The following DEFB130A variants were observed in gnomAD, a reference collection of about 807,000 sequenced individuals.
DEFB130A encodes beta-defensin 130A.
chr8:12,311,806 T>C (rs557286246), intron 1 of DEFB130A, among the ~76,000 whole-genome samples: 1 of 114,302 alleles, frequency 8.7e-6, no homozygotes, highest in African/African-American at 3.1e-5. Context: ...CTCACAGAGC[T>C]AAAAGGTATT....
At chr8:12,316,961 C>A (rs1809558524) in intron 1 of DEFB130A, among the ~76,000 whole-genome samples, 1 of 87,006 alleles carries the variant, frequency 1.1e-5, no homozygotes, top group East Asian at 3.8e-4. Flanking sequence ...CAAAAGAAAA[C>A]AAATAATTCT....
rs1001711686 is a variant in DEFB130A at position 12,316,907 on chromosome 8, C to T, written c.58+1352G>A. On this transcript the variant is annotated intron_variant, in intron 1 of 1. Coordinates refer to ENST00000400079, the MANE Select transcript of DEFB130A (RefSeq NM_001037804.1). ...TGAAGATTTCTCAAAGAACTTAAAA[C>T]AGAGCTACCATTCCACCCAGCAATT... 1.1e-3 allele frequency among the ~76,000 whole-genome samples: 142 copies of T among 131,100 alleles called. 4 individuals carry two copies. The highest frequency in any genetic ancestry group is 4.4e-3 in the African/African-American group (142 of 32,168). 86.0% of individuals were successfully genotyped at this position (131,100 alleles called of 152,430 possible).
Position 12,311,594 on chromosome 8 carries a change from C to G in DEFB130A, c.59-451G>C, listed in dbSNP as rs1190201069. ...CCATCTGTGCATACATCATCCCTAT[C>G]AAATGGTTCATGTGCATATCTTCAT... On this transcript the variant is annotated intron_variant, in intron 1 of 1. Coordinates refer to ENST00000400079, the MANE Select transcript of DEFB130A (RefSeq NM_001037804.1). Among the ~76,000 whole-genome samples the G allele has an allele frequency of 4.5e-5, 2 of 44,932 alleles. 1 individual carries two copies. The highest frequency in any genetic ancestry group is 7.1e-5 in the Non-Finnish European group (2 of 28,030). The allele number at this position is 44,932 out of a possible 152,430, so 29.5% of individuals were successfully genotyped here.
intron 1 of DEFB130A, among the ~76,000 whole-genome samples, chr8:12,316,759 C>T (rs1238302816): frequency 6.9e-6 from 1 of 145,822 alleles, no homozygotes; most frequent in Non-Finnish European, 1.5e-5. Context: ...ATCAAAACCA[C>T]AATGAGAACT....
intron 1 of DEFB130A, among the ~76,000 whole-genome samples, chr8:12,316,626 AAAAT>A (rs1219154851): frequency 4.3e-5 from 2 of 47,008 alleles, no homozygotes; most frequent in African/African-American, 1.1e-4. Context: ...CAACAAGCAA[AAAAT>A]AAATAAAGTG....
intron 1 of DEFB130A, among the ~76,000 whole-genome samples, chr8:12,316,761 A>G (rs546145936): frequency 1.4e-4 from 21 of 146,814 alleles, no homozygotes; most frequent in South Asian, 6.6e-4. Flanking sequence ...CAAAACCACA[A>G]TGAGAACTAT....
rs536016177 is a variant in DEFB130A, at chr8:12,311,802, G to C, written c.59-659C>G. On this transcript the variant is annotated intron_variant, in intron 1 of 1. Coordinates refer to ENST00000400079, the MANE Select transcript of DEFB130A (RefSeq NM_001037804.1). ...AGACACCTGCAGAGAATTACTCACA[G>C]AGCTAAAAGGTATTTTCCCTTAAGT... Among the ~76,000 whole-genome samples, 80 of 113,844 alleles carry C rather than the reference G, an allele frequency of 7.0e-4. 13 individuals are homozygous for C. The highest frequency in any genetic ancestry group is 2.5e-3 in the African/African-American group (80 of 31,764). The allele number at this position is 113,844 out of a possible 152,430, so 74.7% of individuals were successfully genotyped here. A position where few individuals can be genotyped will look rare whatever the true frequency, so the allele number is the denominator to read the frequency against.
intron 1 of DEFB130A, among the ~76,000 whole-genome samples, chr8:12,317,339 G>A (rs927267771): frequency 2.5e-5 from 3 of 119,062 alleles, no homozygotes; most frequent in Non-Finnish European, 5.0e-5. Flanking sequence ...CATGAGTGAT[G>A]GGATTACCAT....
At chr8:12,311,842 T>A (rs1212127669) in intron 1 of DEFB130A, among the ~76,000 whole-genome samples, 3 of 106,396 alleles carry the variant, frequency 2.8e-5, no homozygotes, top group Admixed American at 2.4e-4. Context: ...CCACATGTTC[T>A]CTTAATTCAT....
chr8:12,316,773 T>A lies in DEFB130A; in HGVS notation c.58+1486A>T, dbSNP rs976120008. Among the ~76,000 whole-genome samples the A allele has an allele frequency of 4.7e-5, 7 of 147,496 alleles. 1 individual carries two copies. The highest frequency in any genetic ancestry group is 1.3e-4 in the Admixed American group (2 of 14,920). ...AATCAAAACCACAATGAGAACTATC[T>A]TACACCAGTGAGAATGGCTATTATT... On this transcript the variant is annotated intron_variant, in intron 1 of 1. Transcript: ENST00000400079.
chr8:12,316,763 G>A (rs1809549542), intron 1 of DEFB130A, among the ~76,000 whole-genome samples: 1 of 146,684 alleles, frequency 6.8e-6, no homozygotes, highest in African/African-American at 2.6e-5. Context: ...AAACCACAAT[G>A]AGAACTATCT....
intron 1 of DEFB130A, among the ~76,000 whole-genome samples, chr8:12,311,603 C>T (rs1218525405): frequency 2.2e-5 from 1 of 46,298 alleles, no homozygotes; most frequent in Non-Finnish European, 3.4e-5. Context: ...TCAAATGGTT[C>T]ATGTGCATAT....
chr8:12,316,878 A>T (rs1451157601), intron 1 of DEFB130A, among the ~76,000 whole-genome samples: 1 of 140,528 alleles, frequency 7.1e-6, no homozygotes, highest in Non-Finnish European at 1.6e-5. Flanking sequence ...GGAATGTAAC[A>T]GTCTGAAGAT....
Position 12,311,797 on chromosome 8 carries a change from T to C in DEFB130A, c.59-654A>G, listed in dbSNP as rs574668339. Among the ~76,000 whole-genome samples, 15 of 113,988 alleles carry C rather than the reference T, an allele frequency of 1.3e-4. No homozygotes were observed. In the South Asian group the frequency reaches 1.7e-3, roughly 13 times the overall value. 74.8% of individuals were successfully genotyped at this position (113,988 alleles called of 152,430 possible). A position where few individuals can be genotyped will look rare whatever the true frequency, so the allele number is the denominator to read the frequency against. On this transcript the variant is annotated intron_variant, in intron 1 of 1. Transcript: ENST00000400079. ...CAGACAGACACCTGCAGAGAATTAC[T>C]CACAGAGCTAAAAGGTATTTTCCCT...
chr8:12,316,692 A>T (rs1013903080), intron 1 of DEFB130A, among the ~76,000 whole-genome samples: 15 of 109,026 alleles, frequency 1.4e-4, no homozygotes, highest in African/African-American at 5.9e-4. Flanking sequence ...AAGATAATAG[A>T]AGCAGCCAGC....
rs546185271 is a variant in DEFB130A at position 12,311,818 on chromosome 8, T to G, written c.59-675A>C. Among the ~76,000 whole-genome samples the G allele has an allele frequency of 2.6e-5, 3 of 114,370 alleles. 1 individual carries two copies. Among genetic ancestry groups the G allele is most frequent in the African/African-American group, 9.2e-5 (3 of 32,636 alleles). 75.0% of individuals were successfully genotyped at this position (114,370 alleles called of 152,430 possible). ...TTACTCACAGAGCTAAAAGGTATTT[T>G]CCCTTAAGTGTATCCACATGTTCTC... On this transcript the variant is annotated intron_variant, in intron 1 of 1. Coordinates refer to ENST00000400079, the MANE Select transcript of DEFB130A (RefSeq NM_001037804.1).
In DEFB130A at chr8:12,316,850, G is replaced by A. The variant is rs1418717828; in HGVS notation, c.58+1409C>T. Among the ~76,000 whole-genome samples, 3 of 147,676 alleles carry A rather than the reference G, an allele frequency of 2.0e-5. 1 individual carries two copies. Among genetic ancestry groups the A allele is most frequent in the African/African-American group, 7.8e-5 (3 of 38,268 alleles). On this transcript the variant is annotated intron_variant, in intron 1 of 1. Coordinates refer to ENST00000400079, the MANE Select transcript of DEFB130A (RefSeq NM_001037804.1). ...AGATGAGGCTGTGGAGAAAAGGAGT[G>A]CTTATACACTGTTGGTGGGAATGTA...
intron 1 of DEFB130A, among the ~76,000 whole-genome samples, chr8:12,316,104 G>A (rs1332902980): frequency 2.0e-5 from 1 of 50,138 alleles, no homozygotes; most frequent in Non-Finnish European, 3.2e-5. Context: ...AAATGGCATG[G>A]GACTGGTACA....
At position 12,311,852 on chromosome 8, in the gene DEFB130A, T is replaced by C. The variant is rs1218721035; in HGVS notation, c.59-709A>G. Among the ~76,000 whole-genome samples the C allele has an allele frequency of 2.0e-5, 2 of 101,754 alleles. 1 individual carries two copies. Among genetic ancestry groups the C allele is most frequent in the Non-Finnish European group, 4.2e-5 (2 of 47,134 alleles). The allele number at this position is 101,754 out of a possible 152,430, so 66.8% of individuals were successfully genotyped here. On this transcript the variant is annotated intron_variant, in intron 1 of 1. Transcript: ENST00000400079. ...TGTATCCACATGTTCTCTTAATTCA[T>C]CTGGTTTTTGAGAAGCATATGGCTA... is the stretch of plus-strand genomic sequence containing the variant.
Sources: gnomAD v4.1 joint callset for allele counts (sites outside exome capture counted in the v4.1 genomes callset) on GRCh38, gnomAD v4.1.1 for gene constraint, MANE v1.5 for transcripts, NCBI Gene and HGNC (gene_info 2026-07-23, HGNC 2026-07-21) for gene names.